The following AARSD1 variants were observed in gnomAD, a reference collection of about 807,000 sequenced individuals.
The protein encoded by AARSD1 is alanyl-tRNA synthetase domain containing 1, also known as alanyl-tRNA editing protein Aarsd1.
AARSD1 carries 44 observed loss-of-function variants against 48.7 expected under a neutral mutation model. The observed-to-expected ratio is 0.90, with a 90% CI of 0.71 to 1.16. The LOEUF is 1.16. Among genes scored for constraint, AARSD1 ranks in the 50% most tolerant of loss-of-function variants. The probability of loss-of-function intolerance (pLI) is 0.00; values close to 1 mark genes in which losing one functional copy is unlikely to be tolerated. For missense variants in AARSD1, 511 were observed against 523.1 expected (o/e 0.98, Z 0.23); for synonymous variants, 189 against 194.9 (o/e 0.97, Z 0.25).
At chr17:42,959,171 T>C (rs1597716541) in intron 3 of AARSD1, among the ~76,000 whole-genome samples, 2 of 114,980 alleles carry the variant, frequency 1.7e-5, no homozygotes, top group Admixed American at 1.1e-4. Context: ...CACTCCAGCC[T>C]GGGTGACAGA....
At chr17:42,960,423 A>G (rs940112523) in intron 3 of AARSD1, among the ~76,000 whole-genome samples, 1 of 152,048 alleles carries the variant, frequency 6.6e-6, no homozygotes, top group Admixed American at 6.6e-5. Context: ...AAAGAAGTGG[A>G]CAGACATTTA....
At chr17:42,960,103 T>C (rs2049613463) in intron 3 of AARSD1, among the ~76,000 whole-genome samples, 1 of 151,594 alleles carries the variant, frequency 6.6e-6, no homozygotes, top group African/African-American at 2.4e-5. Flanking sequence ...ACACCGTCTC[T>C]ACTAAAAATA....
At chr17:42,961,080 C>G in intron 3 of AARSD1, 112 bp downstream of exon 3, 1 of 1,458,066 alleles carries the variant, frequency 6.9e-7, no homozygotes, top group Non-Finnish European at 9.1e-7. Flanking sequence ...TCTGAATAGT[C>G]TGTCTTTTCC....
chr17:42,961,158 G>T (rs1052987018), intron 3 of AARSD1, 34 bp downstream of exon 3: 1 of 1,588,110 alleles, frequency 6.3e-7, no homozygotes, highest in African/African-American at 1.3e-5. Context: ...CATGGCAACT[G>T]CTCCGGTGTT....
At chr17:42,963,123 C>A (rs1031657019) in intron 2 of AARSD1, among the ~76,000 whole-genome samples, 1 of 151,552 alleles carries the variant, frequency 6.6e-6, no homozygotes, top group Non-Finnish European at 1.5e-5. Flanking sequence ...GTTCTGTCCC[C>A]CACGCTGAAG....
At chr17:42,951,068 G>T (rs2049473115) in intron 11 of AARSD1, among the ~76,000 whole-genome samples, 1 of 152,098 alleles carries the variant, frequency 6.6e-6, no homozygotes, top group Non-Finnish European at 1.5e-5. Context: ...TGAGACAGGA[G>T]AATTGCTTGA....
chr17:42,960,735 A>G (rs191196161), intron 3 of AARSD1, among the ~76,000 whole-genome samples: 2,666 of 151,734 alleles, frequency 0.018, 27 homozygotes, highest in Middle Eastern at 0.031. Context: ...AAAAAAAAAA[A>G]AAAAGAAAAG....
intron 10 of AARSD1, 129 bp from the exon 11 acceptor site, chr17:42,952,023 AATG>A: frequency 9.2e-7 from 1 of 1,081,952 alleles, no homozygotes; most frequent in East Asian, 2.6e-5. Context: ...GCTCCTGATG[AATG>A]ATGATACAGC....
intron 3 of AARSD1, among the ~76,000 whole-genome samples, chr17:42,960,376 C>T (rs926943564): frequency 1.3e-5 from 2 of 152,026 alleles, no homozygotes; most frequent in African/African-American, 4.8e-5. Context: ...AGGGGGAAGA[C>T]AGCTAGGAGC....
At position 42,955,032 on chromosome 17, in the gene AARSD1, C is replaced by T. The variant is rs2049528421; in HGVS notation, c.862-65G>A. 3 of 1,611,328 alleles carry T rather than the reference C, an allele frequency of 1.9e-6. No individual in the cohort carries two copies. The South Asian group carries it at 3.3e-5, about 18-fold the overall frequency. ...ATAACAATAGAGAGTATCAGCTTCCCTCCACCTCATTCTCCCCTCACTCCC... is the reference window on the plus strand; with the variant it reads ...ATAACAATAGAGAGTATCAGCTTCCTTCCACCTCATTCTCCCCTCACTCCC... On this transcript the variant is annotated intron_variant, in intron 8 of 11. Transcript: ENST00000427569.
chr17:42,964,256 G>A lies in AARSD1; in HGVS notation c.40-19C>T. On this transcript the variant is annotated intron_variant, in intron 1 of 11. Coordinates refer to ENST00000427569, the MANE Select transcript of AARSD1 (RefSeq NM_001261434.2). The stretch of plus-strand genomic sequence containing the variant: ...TGGTGAACTGAACAGAGAGGAATGA[G>A]AGAATAAGCCCCGACCCCAGCCCTA... 1.3e-5 allele frequency: 21 copies of A among 1,573,250 alleles called. No homozygotes were observed. The highest frequency in any genetic ancestry group is 1.5e-5 in the Non-Finnish European group (17 of 1,167,160).
chr17:42,954,905 T>C lies in AARSD1; in HGVS notation c.924A>G (p.Pro308=), dbSNP rs1174817088. Residue 308 remains proline, a synonymous_variant, in exon 9 of 12, where the codon CCA becomes CCG. Transcript: ENST00000427569. ...VHIAHSLRNS[P]DWGGVVILHR... is the part of the protein sequence containing the mutation. ...GTAATATGACCACACCTCCCCAGTC[T>C]GGACTGTTCCTGAGGCTATGGGCAA... The C allele has an allele frequency of 4.3e-6, 7 of 1,614,026 alleles. No individual in the cohort carries two copies. Among genetic ancestry groups the C allele is most frequent in the African/African-American group, 1.3e-5 (1 of 74,934 alleles).
In AARSD1 at chr17:42,953,716, C is replaced by T; in HGVS notation, c.1008+8G>A. The stretch of plus-strand genomic sequence containing the variant: ...AGGCCGGGGTAGAGAATCTCATGCT[C>T]CTCTTACCTCTGACCCAATCTCATT... On this transcript the variant is annotated splice_region_variant and intron_variant, in intron 10 of 11. Coordinates refer to ENST00000427569, the MANE Select transcript of AARSD1 (RefSeq NM_001261434.2). 6.2e-7 allele frequency: 1 copy of T among 1,614,144 alleles called. No homozygotes were observed. Among genetic ancestry groups the T allele is most frequent in the Non-Finnish European group, 8.5e-7 (1 of 1,180,010 alleles).
chr17:42,951,550 AAAAAACAAAAACAAACACATTTCAT>A, intron 11 of AARSD1, among the ~76,000 whole-genome samples: 1 of 152,178 alleles, frequency 6.6e-6, no homozygotes, highest in Non-Finnish European at 1.5e-5. Context: ...ACTCCATCTC[AAAAAACAAAAACAAACACATTTCAT>A]AAAAACAAAA....
Position 42,956,522 on chromosome 17 carries a change from G to A in AARSD1, c.428C>T (p.Thr143Ile). ...TACTTGCTCTGCAGTCATAGAGGGG[G>A]TGTCCAGCTCAATCGCACTCCGAAA... ...GRFRSAIELD[T>I]PSMTAEQVAA... The change falls in exon 5 of 12, where the codon ACC becomes ATC. Residue 143 changes from threonine (T) to isoleucine (I), a missense_variant. Transcript: ENST00000427569. 3 of 1,613,934 alleles carry A rather than the reference G, an allele frequency of 1.9e-6. No homozygotes were observed. Among genetic ancestry groups the A allele is most frequent in the East Asian group, 4.5e-5 (2 of 44,874 alleles).
chr17:42,960,992 T>C, intron 3 of AARSD1, 200 bp downstream of exon 3: 2 of 864,118 alleles, frequency 2.3e-6, no homozygotes, highest in Non-Finnish European at 3.4e-6. Flanking sequence ...CCAGCAGTTA[T>C]TCTAATACTT....
chr17:42,964,314 C>T, intron 1 of AARSD1, 77 bp from the exon 2 acceptor site: 3 of 1,605,334 alleles, frequency 1.9e-6, no homozygotes, highest in Non-Finnish European at 2.6e-6. Flanking sequence ...GACAGAATGC[C>T]ATGTTGGCAC....
intron 3 of AARSD1, among the ~76,000 whole-genome samples, chr17:42,958,977 T>C (rs1289720491): frequency 6.6e-6 from 1 of 150,386 alleles, no homozygotes; most frequent in Non-Finnish European, 1.5e-5. Flanking sequence ...GGCGAGCAGA[T>C]CACAAGGTCA....
At chr17:42,953,684 T>A in intron 10 of AARSD1, 40 bp downstream of exon 10, 1 of 1,614,090 alleles carries the variant, frequency 6.2e-7, no homozygotes, top group Non-Finnish European at 8.5e-7. Context: ...TCCCTAGGTC[T>A]CTATCCAGGC....
Sources: allele counts gnomAD v4.1 joint callset (sites outside exome capture counted in the v4.1 genomes callset), GRCh38; gene constraint gnomAD v4.1.1; transcripts MANE v1.5; gene names NCBI Gene and HGNC (gene_info 2026-07-23, HGNC 2026-07-21).